The following B4GALNT3 variants were observed in gnomAD, a reference collection of about 807,000 sequenced individuals.
The protein encoded by B4GALNT3 is beta-1,4-N-acetylgalactosaminyltransferase 3.
A neutral mutation model predicts 120.2 loss-of-function variants in B4GALNT3; 86 were observed. The observed-to-expected ratio is 0.72, with a 90% confidence interval of 0.60 to 0.86. The LOEUF (loss-of-function observed/expected upper bound fraction) is 0.86. Among genes scored for constraint, B4GALNT3 ranks in the 40% least tolerant of loss-of-function variants. The pLI is 0.00. For synonymous variants in B4GALNT3, 518 were observed against 510.4 expected (o/e 1.01, Z -0.20); for missense variants, 1,167 against 1,298.9 (o/e 0.90, Z 1.56).
At chr12:542,779 C>T (rs1946933865) in intron 3 of B4GALNT3, among the ~76,000 whole-genome samples, 1 of 152,226 alleles carries the variant, frequency 6.6e-6, no homozygotes, top group African/African-American at 2.4e-5. Context: ...GAGGCTGTCC[C>T]AGGAGCAGCT....
At chr12:512,137 A>G (rs866900884) in intron 1 of B4GALNT3, among the ~76,000 whole-genome samples, 3 of 54,614 alleles carry the variant, frequency 5.5e-5, no homozygotes, top group African/African-American at 1.1e-4. Flanking sequence ...TCCACCTTCC[A>G]CCTTCCACCT....
chr12:494,481 T>C (rs778853000), intron 1 of B4GALNT3, among the ~76,000 whole-genome samples: 1 of 152,154 alleles, frequency 6.6e-6, no homozygotes, highest in Non-Finnish European at 1.5e-5. Context: ...TTCAGGAGTA[T>C]GAGCGCTGGA....
intron 1 of B4GALNT3, among the ~76,000 whole-genome samples, chr12:464,094 G>A (rs1272349351): frequency 2.0e-5 from 3 of 152,156 alleles, no homozygotes; most frequent in Non-Finnish European, 2.9e-5. Flanking sequence ...AGCTGTCCTG[G>A]GGAGGGGTCC....
At position 553,227 on chromosome 12, in the gene B4GALNT3, AT is replaced by A. The variant is rs763842461; in HGVS notation, c.1305del (p.Tyr435Ter). The A allele has an allele frequency of 5.6e-6, 9 of 1,613,490 alleles. No homozygotes were observed. In the South Asian group the frequency reaches 8.8e-5, roughly 16 times the overall value. ...FEENLLEESQ[Y>X]GEVAEETPAS... ...GAAAACCTTCTAGAAGAGTCCCAGT[AT>A]GGGGAAGTGGCAGAGGAGACCCCTG... On this transcript the variant is annotated frameshift_variant, in exon 14 of 20. Transcript: ENST00000266383. LOFTEE classifies it high-confidence loss of function.
intron 1 of B4GALNT3, among the ~76,000 whole-genome samples, chr12:465,462 C>G (rs1946067407): frequency 6.6e-6 from 1 of 151,804 alleles, no homozygotes; most frequent in African/African-American, 2.4e-5. Context: ...AATACATATA[C>G]ACAACAATAG....
At chr12:504,959 C>T (rs974250458) in intron 1 of B4GALNT3, among the ~76,000 whole-genome samples, 44 of 151,524 alleles carry the variant, frequency 2.9e-4, no homozygotes, top group Non-Finnish European at 4.9e-4. Context: ...GGCGCGATCT[C>T]GGCTCACTGC....
At chr12:478,250 T>TAAAA (rs34616848) in intron 1 of B4GALNT3, among the ~76,000 whole-genome samples, 3 of 86,902 alleles carry the variant, frequency 3.5e-5, no homozygotes, top group African/African-American at 1.0e-4. Context: ...ACTCTGTCTT[T>TAAAA]AAAAAAAAAA....
At chr12:485,227 C>T (rs1395528131) in intron 1 of B4GALNT3, among the ~76,000 whole-genome samples, 2 of 152,046 alleles carry the variant, frequency 1.3e-5, no homozygotes, top group Admixed American at 1.3e-4. Context: ...CAAGCCTGGC[C>T]TGATGTGAGA....
chr12:463,341 G>C (rs973363698), intron 1 of B4GALNT3, among the ~76,000 whole-genome samples: 1 of 152,172 alleles, frequency 6.6e-6, no homozygotes, highest in Non-Finnish European at 1.5e-5. Flanking sequence ...GTGCAATTTG[G>C]TTCCATATGC....
intron 1 of B4GALNT3, among the ~76,000 whole-genome samples, chr12:479,423 C>T (rs1220322866): frequency 6.6e-6 from 1 of 152,114 alleles, no homozygotes; most frequent in African/African-American, 2.4e-5. Flanking sequence ...GACTGCCAAA[C>T]TGGGTAGGGG....
intron 7 of B4GALNT3, chr12:546,921 G>T: frequency 1.7e-6 from 1 of 591,724 alleles, no homozygotes. Context: ...AGAAGGCCGT[G>T]ACTTATTGCA....
intron 14 of B4GALNT3, chr12:555,140 T>C: frequency 3.3e-6 from 1 of 304,270 alleles, no homozygotes; most frequent in South Asian, 2.7e-5. Context: ...GTCGCACCAT[T>C]GCACTCCAGC....
chr12:491,487 G>A (rs1946339239), intron 1 of B4GALNT3, among the ~76,000 whole-genome samples: 1 of 151,772 alleles, frequency 6.6e-6, no homozygotes, highest in African/African-American at 2.4e-5. Context: ...GCACCATCAT[G>A]CCCAGCTAAT....
In B4GALNT3 at chr12:544,978, G is replaced by A. The variant is rs1317350898; in HGVS notation, c.538+6G>A. 3.1e-6 allele frequency: 5 copies of A among 1,613,514 alleles called. No homozygotes were observed. Among genetic ancestry groups the A allele is most frequent in the Non-Finnish European group, 4.2e-6 (5 of 1,179,668 alleles). On this transcript the variant is annotated splice_donor_region_variant and intron_variant, in intron 5 of 19. Coordinates refer to ENST00000266383, the MANE Select transcript of B4GALNT3 (RefSeq NM_173593.4). ...CCTGCACCCCTTTACTGATGGTGAG[G>A]CCAGCCCCAAAACCCCATCCTTCTT... is the stretch of plus-strand genomic sequence containing the variant.
At chr12:545,300 C>A in intron 5 of B4GALNT3, 69 bp from the exon 6 acceptor site, 1 of 1,541,548 alleles carries the variant, frequency 6.5e-7, no homozygotes, top group East Asian at 2.4e-5. Flanking sequence ...CTAAGACACT[C>A]ACAAAAGCCT....
chr12:508,748 A>C (rs1946520221), intron 1 of B4GALNT3, among the ~76,000 whole-genome samples: 1 of 152,218 alleles, frequency 6.6e-6, no homozygotes, highest in African/African-American at 2.4e-5. Flanking sequence ...CAGAGATTAC[A>C]AACATACTAC....
intron 1 of B4GALNT3, among the ~76,000 whole-genome samples, chr12:511,903 C>CACCT (rs1946574736): frequency 1.6e-5 from 2 of 126,970 alleles, no homozygotes; most frequent in African/African-American, 6.1e-5. Context: ...TTCCACCTTC[C>CACCT]GCCTTCGACC....
Position 478,263 on chromosome 12 carries a change from A to AG in B4GALNT3, c.169+17718_169+17719insG, listed in dbSNP as rs1389614348. On this transcript the variant is annotated intron_variant, in intron 1 of 19. Transcript: ENST00000266383. Reference sequence around the variant, plus strand: ...ACACTCTGTCTTTAAAAAAAAAAAAAAAAAAAAAATTAGAGGAGGTAAAAA... The same window carrying AG: ...ACACTCTGTCTTTAAAAAAAAAAAAAGAAAAAAAAATTAGAGGAGGTAAAAA... Among the ~76,000 whole-genome samples the AG allele has an allele frequency of 9.2e-3, 987 of 107,578 alleles. 11 individuals carry two copies. The highest frequency in any genetic ancestry group is 0.016 in the Middle Eastern group (3 of 184). The allele number at this position is 107,578 out of a possible 152,430, so 70.6% of individuals were successfully genotyped here. A position where few individuals can be genotyped will look rare whatever the true frequency, so the allele number is the denominator to read the frequency against.
At chr12:466,163 G>A (rs1946076943) in intron 1 of B4GALNT3, among the ~76,000 whole-genome samples, 6 of 152,126 alleles carry the variant, frequency 3.9e-5, no homozygotes, top group Admixed American at 3.9e-4. Context: ...CGCTGTGCAT[G>A]GTTATAACTG....
Sources: allele counts gnomAD v4.1 joint callset (sites outside exome capture counted in the v4.1 genomes callset), GRCh38; gene constraint gnomAD v4.1.1; transcripts MANE v1.5; gene names NCBI Gene and HGNC (gene_info 2026-07-23, HGNC 2026-07-21).